KIF13B: variants seen among roughly 807,000 people sequenced by gnomAD.
The protein encoded by KIF13B is kinesin-like protein KIF13B.
In KIF13B, 127 loss-of-function variants were observed where a neutral mutation model predicts 222.0. The ratio of observed to expected loss-of-function variants is 0.57; its 90% confidence interval spans 0.50 to 0.66. The LOEUF (loss-of-function observed/expected upper bound fraction) is 0.66. KIF13B is among the 30% of genes least tolerant of loss of function. The probability of loss-of-function intolerance (pLI) is 0.00; values close to 1 mark genes in which losing one functional copy is unlikely to be tolerated. For synonymous variants in KIF13B, 976 were observed against 919.0 expected (o/e 1.06, Z -1.12); for missense variants, 2,173 against 2,379.0 (o/e 0.91, Z 1.80).
At chr8:29,096,036 C>T (rs1463569351) in intron 36 of KIF13B, among the ~76,000 whole-genome samples, 1 of 149,878 alleles carries the variant, frequency 6.7e-6, no homozygotes, top group Non-Finnish European at 1.5e-5. Context: ...GACTGGAGTG[C>T]GATGGCGTGA....
intron 18 of KIF13B, among the ~76,000 whole-genome samples, chr8:29,144,320 G>T (rs1810958174): frequency 6.6e-6 from 1 of 152,052 alleles, no homozygotes; most frequent in Admixed American, 6.5e-5. Flanking sequence ...GGGTGCAGTG[G>T]CCCAATCTCG....
At chr8:29,215,606 T>C (rs1814441831) in intron 2 of KIF13B, among the ~76,000 whole-genome samples, 1 of 152,098 alleles carries the variant, frequency 6.6e-6, no homozygotes, top group African/African-American at 2.4e-5. Context: ...GCAGGAGGAT[T>C]GTATGAACCT....
chr8:29,097,697 A>C (rs1808596980), intron 36 of KIF13B, among the ~76,000 whole-genome samples: 1 of 152,222 alleles, frequency 6.6e-6, no homozygotes, highest in South Asian at 2.1e-4. Context: ...ACAACATACC[A>C]AAATATGTGA....
chr8:29,106,770 T>C (rs1156278280), intron 35 of KIF13B, among the ~76,000 whole-genome samples: 3 of 150,486 alleles, frequency 2.0e-5, no homozygotes, highest in African/African-American at 4.9e-5. Context: ...AATAGCACAA[T>C]GAACTCCACT....
intron 34 of KIF13B, among the ~76,000 whole-genome samples, chr8:29,109,021 G>A (rs1225078986): frequency 2.0e-5 from 3 of 152,122 alleles, no homozygotes; most frequent in Admixed American, 2.0e-4. Flanking sequence ...CTGACGCATG[G>A]ACACCACCCT....
At chr8:29,212,600 T>C (rs1002884738) in intron 2 of KIF13B, among the ~76,000 whole-genome samples, 1 of 152,128 alleles carries the variant, frequency 6.6e-6, no homozygotes, top group African/African-American at 2.4e-5. Context: ...ACACTGATTT[T>C]TCTGTTCCAT....
intron 38 of KIF13B, among the ~76,000 whole-genome samples, chr8:29,074,813 G>C (rs968908626): frequency 4.6e-5 from 7 of 152,232 alleles, no homozygotes; most frequent in African/African-American, 1.7e-4. Flanking sequence ...TTTCCTAAGA[G>C]AATGAAAGCG....
intron 16 of KIF13B, among the ~76,000 whole-genome samples, chr8:29,147,824 T>C (rs1429539266): frequency 6.6e-6 from 1 of 152,204 alleles, no homozygotes; most frequent in Non-Finnish European, 1.5e-5. Flanking sequence ...GCAGGTCTAT[T>C]ATATGTTCTA....
intron 17 of KIF13B, 30 bp from the exon 18 acceptor site, chr8:29,146,570 AG>A: frequency 6.3e-7 from 1 of 1,596,094 alleles, no homozygotes. Context: ...CGGCAGAGGT[AG>A]GGAAGAGATT....
intron 2 of KIF13B, among the ~76,000 whole-genome samples, chr8:29,226,668 G>C (rs1230951135): frequency 6.6e-6 from 1 of 152,178 alleles, no homozygotes; most frequent in Non-Finnish European, 1.5e-5. Context: ...CTTAAGAACA[G>C]TCAAGACTAA....
At chr8:29,164,233 TACA>T (rs1265212291) in intron 12 of KIF13B, among the ~76,000 whole-genome samples, 1 of 152,246 alleles carries the variant, frequency 6.6e-6, no homozygotes, top group Admixed American at 6.5e-5. Flanking sequence ...AGTATCATCC[TACA>T]ACATCTGATA....
rs186285872 is a variant in KIF13B at position 29,239,812 on chromosome 8, G to A, written c.149+5534C>T. ...TGAGTAGCTGGCATTACAGGTGCCC[G>A]CCACCATGCCTGGCTAATTTTTGTA... On this transcript the variant is annotated intron_variant, in intron 2 of 39. Coordinates refer to ENST00000524189, the MANE Select transcript of KIF13B (RefSeq NM_015254.4). Among the ~76,000 whole-genome samples the A allele has an allele frequency of 2.6e-3, 394 of 152,120 alleles. 4 individuals are homozygous for A. The highest frequency in any genetic ancestry group is 0.024 in the East Asian group (124 of 5,164).
intron 35 of KIF13B, among the ~76,000 whole-genome samples, chr8:29,101,356 T>C (rs549304619): frequency 6.6e-6 from 1 of 152,268 alleles, no homozygotes; most frequent in South Asian, 2.1e-4. Flanking sequence ...GTTTCATATT[T>C]TAGATTTTCT....
intron 2 of KIF13B, 141 bp downstream of exon 2, chr8:29,245,205 T>A: frequency 1.5e-6 from 1 of 665,816 alleles, no homozygotes; most frequent in Middle Eastern, 2.4e-4. Context: ...CTCTTCAACT[T>A]GAGTACAGGC....
At chr8:29,217,513 G>A (rs1157390080) in intron 2 of KIF13B, among the ~76,000 whole-genome samples, 3 of 152,162 alleles carry the variant, frequency 2.0e-5, no homozygotes, top group Non-Finnish European at 4.4e-5. Flanking sequence ...ACAGTGCCTG[G>A]CACATAATAA....
chr8:29,142,907 G>T (rs1360981796), intron 18 of KIF13B, among the ~76,000 whole-genome samples: 1 of 152,060 alleles, frequency 6.6e-6, no homozygotes, highest in Non-Finnish European at 1.5e-5. Context: ...AGGCTGGAGT[G>T]CAGTGGCACG....
At chr8:29,106,619 C>T (rs1339414903) in intron 35 of KIF13B, among the ~76,000 whole-genome samples, 16 of 97,496 alleles carry the variant, frequency 1.6e-4, no homozygotes, top group Admixed American at 3.5e-4. Flanking sequence ...GCAACAAGAG[C>T]GAAACTCTGT....
At chr8:29,206,855 G>A (rs187186868) in intron 2 of KIF13B, among the ~76,000 whole-genome samples, 89 of 151,214 alleles carry the variant, frequency 5.9e-4, no homozygotes, top group African/African-American at 2.1e-3. Flanking sequence ...TGCGGAAGTG[G>A]AAGTGGGGTG....
intron 2 of KIF13B, among the ~76,000 whole-genome samples, chr8:29,225,702 G>A (rs796154487): frequency 4.4e-4 from 67 of 152,286 alleles, no homozygotes; most frequent in Admixed American, 2.1e-3. Context: ...TGTTACCAGC[G>A]TCTCTCTCCA....
Sources: allele counts gnomAD v4.1 joint callset (sites outside exome capture counted in the v4.1 genomes callset), GRCh38; gene constraint gnomAD v4.1.1; transcripts MANE v1.5; gene names NCBI Gene and HGNC (gene_info 2026-07-23, HGNC 2026-07-21).